The following NCOA2 variants were observed in gnomAD, a reference collection of about 807,000 sequenced individuals.
NCOA2 encodes nuclear receptor coactivator 2.
In NCOA2, 21 loss-of-function variants were observed where a neutral mutation model predicts 145.1. That is an observed-to-expected ratio of 0.14 (90% CI 0.10 to 0.21). NCOA2 has a LOEUF of 0.21. NCOA2 is among the 10% of genes least tolerant of loss of function. NCOA2 has a pLI of 1.00. For synonymous variants in NCOA2, 619 were observed against 637.5 expected, an observed-to-expected ratio of 0.97 and a Z score of 0.44; for missense variants, 1,472 against 1,837.6, an observed-to-expected ratio of 0.80 and a Z score of 3.64.
intron 4 of NCOA2, among the ~76,000 whole-genome samples, chr8:70,175,584 T>C (rs562125605): frequency 7.9e-5 from 12 of 152,344 alleles, no homozygotes; most frequent in Admixed American, 4.6e-4. Flanking sequence ...CATTTCTTCA[T>C]AGAATGAGAA....
rs141175313 is a variant in NCOA2 at position 70,272,040 on chromosome 8, C to T, written c.-20+24704G>A. 4.8e-3 allele frequency among the ~76,000 whole-genome samples: 724 copies of T among 152,272 alleles called. 19 individuals carry two copies. Among genetic ancestry groups the T allele is most frequent in the Admixed American group, 0.041 (630 of 15,292 alleles). ...AAAGTAAAAGAAATATTTTAAAGTACGTATTTATTGTTGACTGATTTCCAA... is the reference window on the plus strand; with the variant it reads ...AAAGTAAAAGAAATATTTTAAAGTATGTATTTATTGTTGACTGATTTCCAA... On this transcript the variant is annotated intron_variant, in intron 2 of 22. Transcript: ENST00000452400.
At chr8:70,403,873 C>G, upstream of NCOA2, 1 of 387,518 alleles carries the variant, frequency 2.6e-6, no homozygotes. Context: ...CCTCCTCCTC[C>G]TCCTCCGCGT....
chr8:70,315,303 T>TA (rs1449067941), intron 1 of NCOA2, among the ~76,000 whole-genome samples: 3 of 151,962 alleles, frequency 2.0e-5, no homozygotes, highest in African/African-American at 7.3e-5. Context: ...CAAAAACACT[T>TA]AAAAAACAAA....
At chr8:70,453,275 G>A in the NCOA2 span, among the ~76,000 whole-genome samples, 2 of 152,132 alleles carry the variant, frequency 1.3e-5, no homozygotes, top group East Asian at 1.9e-4. Context: ...GGCCCACATC[G>A]AAATGCGCCC....
intron 16 of NCOA2, among the ~76,000 whole-genome samples, chr8:70,129,954 G>GC (rs1808901435): frequency 6.6e-6 from 1 of 152,206 alleles, no homozygotes; most frequent in Non-Finnish European, 1.5e-5. Flanking sequence ...ACAGGCGTGA[G>GC]CCACCACGCC....
chr8:70,286,544 A>G (rs996112969), intron 2 of NCOA2, among the ~76,000 whole-genome samples: 8 of 152,242 alleles, frequency 5.3e-5, no homozygotes, highest in African/African-American at 1.7e-4. Context: ...TTTAAGAAAC[A>G]GCATGAATTG....
chr8:70,332,433 C>G (rs1164710058), intron 1 of NCOA2, among the ~76,000 whole-genome samples: 7 of 152,182 alleles, frequency 4.6e-5, no homozygotes, highest in African/African-American at 1.4e-4. Context: ...CTACGCTGCT[C>G]TAAAACATTT....
chr8:70,403,321 C>A (rs1025779062), intron 1 of NCOA2, among the ~76,000 whole-genome samples: 43 of 151,422 alleles, frequency 2.8e-4, no homozygotes, highest in African/African-American at 1.0e-3. Context: ...CCCGGCCGCG[C>A]CTCGGCGCTC....
At chr8:70,238,297 TAAC>T (rs907149209) in intron 2 of NCOA2, among the ~76,000 whole-genome samples, 1 of 152,100 alleles carries the variant, frequency 6.6e-6, no homozygotes, top group Non-Finnish European at 1.5e-5. Context: ...ACAAACAAAA[TAAC>T]AATATATTAG....
At chr8:70,437,800 G>C in the NCOA2 span, among the ~76,000 whole-genome samples, 1 of 152,154 alleles carries the variant, frequency 6.6e-6, no homozygotes, top group South Asian at 2.1e-4. Context: ...ATCATGATTA[G>C]TTTGACAACA....
chr8:70,282,066 TGA>T (rs1825926946), intron 2 of NCOA2, among the ~76,000 whole-genome samples: 1 of 152,012 alleles, frequency 6.6e-6, no homozygotes, highest in African/African-American at 2.4e-5. Context: ...ACCTAAGAGG[TGA>T]GAGATAAGAC....
At chr8:70,278,418 T>C (rs1008214444) in intron 2 of NCOA2, among the ~76,000 whole-genome samples, 2 of 152,196 alleles carry the variant, frequency 1.3e-5, no homozygotes, top group Non-Finnish European at 2.9e-5. Context: ...AACTAGTTTA[T>C]GGTAATGGGA....
intron 2 of NCOA2, chr8:70,245,521 CTCTCTCTCCCTCTCCT>C (rs1181693282): frequency 6.6e-6 from 1 of 151,974 alleles, no homozygotes; most frequent in East Asian, 1.9e-4. Context: ...TTTTCTCTCC[CTCTCTCTCCCTCTCCT>C]TCTCTCTCAC....
chr8:70,415,850 T>C, the NCOA2 span, among the ~76,000 whole-genome samples: 2 of 152,244 alleles, frequency 1.3e-5, no homozygotes, highest in Non-Finnish European at 2.9e-5. Context: ...TTACCAAATG[T>C]AACAAAGGCT....
Position 70,110,665 on chromosome 8 carries a change from T to C in NCOA2, c.*2967A>G, listed in dbSNP as rs1806459703. ...GTTAAGCCCATATGAACTCCATTTT[T>C]GAACACAGATTAAAAATTGCATTAT... On this transcript the variant is annotated 3_prime_UTR_variant, in exon 23 of 23. Coordinates refer to ENST00000452400, the MANE Select transcript of NCOA2 (RefSeq NM_006540.4). 1.4e-5 allele frequency: 3 copies of C among 213,798 alleles called. No individual in the cohort carries two copies. In the East Asian group the frequency reaches 2.1e-4, roughly 15 times the overall value. 13.2% of individuals were successfully genotyped at this position (213,798 alleles called of 1,614,324 possible).
intron 2 of NCOA2, among the ~76,000 whole-genome samples, chr8:70,218,213 T>TTC (rs1819824807): frequency 6.6e-6 from 1 of 151,098 alleles, no homozygotes; most frequent in Non-Finnish European, 1.5e-5. Flanking sequence ...TTTTTTTTTT[T>TTC]TTTTTAAAGA....
In NCOA2 at chr8:70,174,906, A is replaced by T. The variant is rs187901091; in HGVS notation, c.260-47T>A. 67 of 1,492,480 alleles carry T rather than the reference A, an allele frequency of 4.5e-5. No homozygotes were observed. The African/African-American group carries it at 6.6e-4, about 15-fold the overall frequency. 92.5% of individuals were successfully genotyped at this position (1,492,480 alleles called of 1,614,324 possible). On this transcript the variant is annotated intron_variant, in intron 4 of 22. Transcript: ENST00000452400. ...ATTAAATGGCAGTGCTATTTCAAGG[A>T]CAGAGTGACACAGAAATGTTTTTAC...
intron 2 of NCOA2, among the ~76,000 whole-genome samples, chr8:70,272,284 T>C (rs139113285): frequency 2.3e-4 from 35 of 152,346 alleles, no homozygotes; most frequent in African/African-American, 7.2e-4. Flanking sequence ...TGATTCATCC[T>C]AGAAGGAGGG....
At chr8:70,338,964 C>T (rs1302781678) in intron 1 of NCOA2, among the ~76,000 whole-genome samples, 2 of 151,954 alleles carry the variant, frequency 1.3e-5, no homozygotes. Flanking sequence ...ATAATAAGAG[C>T]CATATATGAC....
Sources: gnomAD v4.1 joint callset for allele counts (sites outside exome capture counted in the v4.1 genomes callset) on GRCh38, gnomAD v4.1.1 for gene constraint, MANE v1.5 for transcripts, NCBI Gene and HGNC (gene_info 2026-07-23, HGNC 2026-07-21) for gene names.